The following USP34 variants were observed in gnomAD, a reference collection of about 807,000 sequenced individuals.
USP34 encodes the protein ubiquitin carboxyl-terminal hydrolase 34.
Under a neutral mutation model 460.3 loss-of-function variants are expected in USP34, and 70 were observed. The observed-to-expected ratio is 0.15, with a 90% CI of 0.13 to 0.19. USP34 has a LOEUF of 0.19. USP34 is among the 10% of genes least tolerant of loss of function. The pLI is 1.00. For missense variants in USP34, 3,985 were observed against 4,236.2 expected (o/e 0.94, Z 1.65); for synonymous variants, 1,647 against 1,405.3 (o/e 1.17, Z -3.85).
intron 48 of USP34, among the ~76,000 whole-genome samples, chr2:61,255,683 A>G (rs1193268792): frequency 6.6e-6 from 1 of 152,254 alleles, no homozygotes; most frequent in Non-Finnish European, 1.5e-5. Context: ...CCAAAAATAA[A>G]CAATTCATAA....
chr2:61,328,752 G>C lies in USP34; in HGVS notation c.2930+2524C>G, dbSNP rs140627945. 3.0e-3 allele frequency among the ~76,000 whole-genome samples: 455 copies of C among 152,290 alleles called. 1 individual carries two copies. Among genetic ancestry groups the C allele is most frequent in the African/African-American group, 9.9e-3 (411 of 41,568 alleles). On this transcript the variant is annotated intron_variant, in intron 20 of 79. Coordinates refer to ENST00000398571, the MANE Select transcript of USP34 (RefSeq NM_014709.4). The stretch of plus-strand genomic sequence containing the variant: ...GAGTAACTTCACTGTTGTCAATGCA[G>C]TGAACAACTAAGTCTCAGACCTATG...
chr2:61,403,867 C>G (rs904576340), intron 3 of USP34, among the ~76,000 whole-genome samples: 2 of 151,742 alleles, frequency 1.3e-5, no homozygotes, highest in African/African-American at 4.8e-5. Context: ...GTGGCGGGCA[C>G]CTGTACTCCC....
chr2:61,257,131 A>T, intron 45 of USP34, 23 bp from the exon 46 acceptor site: 1 of 1,572,810 alleles, frequency 6.4e-7, no homozygotes, highest in Non-Finnish European at 8.6e-7. Context: ...ACAAACAAAA[A>T]ATAAGAAACT....
At chr2:61,440,575 T>C (rs962971797) in intron 1 of USP34, among the ~76,000 whole-genome samples, 2 of 151,196 alleles carry the variant, frequency 1.3e-5, no homozygotes, top group Admixed American at 6.6e-5. Context: ...TGGAATGCAG[T>C]GGCACAATCT....
At chr2:61,364,328 T>TG (rs1372190758) in intron 10 of USP34, among the ~76,000 whole-genome samples, 1 of 152,190 alleles carries the variant, frequency 6.6e-6, no homozygotes, top group Admixed American at 6.5e-5. Flanking sequence ...ATTGTGCTGC[T>TG]GCATCCAGCC....
intron 57 of USP34, among the ~76,000 whole-genome samples, chr2:61,233,819 A>G (rs566706231): frequency 6.7e-6 from 1 of 149,728 alleles, no homozygotes; most frequent in East Asian, 2.0e-4. Context: ...AGCCTGGATG[A>G]CAGAGTGACA....
At chr2:61,346,590 C>G (rs913495079) in intron 15 of USP34, among the ~76,000 whole-genome samples, 1 of 136,336 alleles carries the variant, frequency 7.3e-6, no homozygotes, top group Non-Finnish European at 1.5e-5. Flanking sequence ...AATCCTAGCA[C>G]TTTGGCAGGC....
Position 61,256,993 on chromosome 2 carries a change from T to C in USP34, c.6049-43A>G, listed in dbSNP as rs757857160. On this transcript the variant is annotated intron_variant, in intron 46 of 79. Transcript: ENST00000398571. ...AAAATTAATAAAAACTAGTAAATTATAATATAAATGAAAATATATTAAGAT... is the reference window on the plus strand; with the variant it reads ...AAAATTAATAAAAACTAGTAAATTACAATATAAATGAAAATATATTAAGAT... 10 of 1,422,526 alleles carry C rather than the reference T, an allele frequency of 7.0e-6. No individual in the cohort carries two copies. The South Asian group carries it at 1.5e-4, about 22-fold the overall frequency. 88.1% of individuals were successfully genotyped at this position (1,422,526 alleles called of 1,614,324 possible).
rs1477744224 is a variant in USP34, at chr2:61,223,308, T to C, written c.7596-12A>G. On this transcript the variant is annotated splice_polypyrimidine_tract_variant and intron_variant, in intron 62 of 79. Coordinates refer to ENST00000398571, the MANE Select transcript of USP34 (RefSeq NM_014709.4). ...ATAATGTCAAATGCCTGAAAGAAAA[T>C]ATTAGTGGAAATAAGTTTTTCTTCC... The C allele has an allele frequency of 6.2e-7, 1 of 1,612,040 alleles. No individual in the cohort carries two copies. Among genetic ancestry groups the C allele is most frequent in the South Asian group, 1.1e-5 (1 of 90,542 alleles).
At chr2:61,470,385 A>T (rs1207630635) in intron 1 of USP34, among the ~76,000 whole-genome samples, 1 of 151,882 alleles carries the variant, frequency 6.6e-6, no homozygotes, top group Non-Finnish European at 1.5e-5. Flanking sequence ...TGTAATGAGG[A>T]AACTTTCCGA....
chr2:61,270,782 A>C (rs1194919892), intron 41 of USP34, among the ~76,000 whole-genome samples: 1 of 152,104 alleles, frequency 6.6e-6, no homozygotes, highest in South Asian at 2.1e-4. Context: ...CTAAGACAAT[A>C]ATGCTTTCAT....
chr2:61,341,379 A>T (rs1691593257), intron 16 of USP34, among the ~76,000 whole-genome samples: 2 of 152,184 alleles, frequency 1.3e-5, no homozygotes, highest in Non-Finnish European at 2.9e-5. Context: ...AGTTTGATAC[A>T]GTTTGAATGT....
At chr2:61,468,063 T>G (rs915473086) in intron 1 of USP34, among the ~76,000 whole-genome samples, 1 of 152,184 alleles carries the variant, frequency 6.6e-6, no homozygotes, top group Admixed American at 6.6e-5. Context: ...CAACAAGTTT[T>G]ATCAAGCTCC....
chr2:61,219,222 T>G (rs1353704434), intron 67 of USP34, among the ~76,000 whole-genome samples: 6 of 152,254 alleles, frequency 3.9e-5, no homozygotes, highest in African/African-American at 1.2e-4. Flanking sequence ...TCTGTGTTTC[T>G]CTGACATACA....
intron 5 of USP34, among the ~76,000 whole-genome samples, chr2:61,385,955 C>A (rs531385911): frequency 1.3e-5 from 2 of 149,768 alleles, no homozygotes; most frequent in East Asian, 3.9e-4. Flanking sequence ...TGAGATCGTC[C>A]CACTGCACTC....
chr2:61,219,948 A>T (rs1037489323), intron 67 of USP34, among the ~76,000 whole-genome samples: 1 of 151,812 alleles, frequency 6.6e-6, no homozygotes, highest in Non-Finnish European at 1.5e-5. Context: ...ATAACTCATA[A>T]TTTCAGCCAA....
At position 61,333,964 on chromosome 2, in the gene USP34, C is replaced by A. The variant is rs1169596853; in HGVS notation, c.2752G>T (p.Val918Leu). The stretch of plus-strand genomic sequence containing the variant: ...TTTGGAAGAAGACGAAGTGAAATTA[C>A]TACTGATCTGAAACAGCAGAAACAT... ...LENLGNNRSV[V>L]ISLRLLPKLF... The change falls in exon 19 of 80, where the codon GTA (valine) becomes TTA (leucine). Residue 918 changes from valine (V) to leucine (L), a missense_variant. Physicochemically the swap from Val to Leu is conservative, Grantham distance 32 (BLOSUM62 1). Around this residue, in one of 14 missense-constraint regions of USP34, gnomAD observed 46 missense variants for 83.1 expected, o/e 0.55. Transcript: ENST00000398571. The A allele has an allele frequency of 1.9e-6, 3 of 1,579,832 alleles. No individual in the cohort carries two copies. In the Admixed American group the frequency reaches 5.6e-5, roughly 29 times the overall value.
At chr2:61,304,616 G>C (rs1007553185) in intron 27 of USP34, among the ~76,000 whole-genome samples, 11 of 152,188 alleles carry the variant, frequency 7.2e-5, no homozygotes, top group African/African-American at 2.2e-4. Context: ...CAGCAATAAA[G>C]CACTATCTAT....
intron 10 of USP34, among the ~76,000 whole-genome samples, chr2:61,358,191 C>CT (rs1692163311): frequency 1.0e-5 from 1 of 99,476 alleles, no homozygotes; most frequent in Admixed American, 1.3e-4. Flanking sequence ...GAGATTCCAT[C>CT]TAAAATAAAT....
Sources: allele counts gnomAD v4.1 joint callset (sites outside exome capture counted in the v4.1 genomes callset), GRCh38; gene constraint gnomAD v4.1.1; regional missense constraint gnomAD v4.1.1; transcripts MANE v1.5; gene names NCBI Gene and HGNC (gene_info 2026-07-23, HGNC 2026-07-21).